ESYT2: variants seen among roughly 807,000 people sequenced by gnomAD.
ESYT2 encodes extended synaptotagmin 2.
In ESYT2, 54 loss-of-function variants were observed where a neutral mutation model predicts 107.2. That is an observed-to-expected ratio of 0.50 (90% CI 0.40 to 0.63). The LOEUF (loss-of-function observed/expected upper bound fraction) is 0.63. Ranked by LOEUF, ESYT2 falls within the 30% of genes least tolerant of loss-of-function variation. The pLI is 0.00. For synonymous variants in ESYT2, 491 were observed against 434.1 expected (o/e 1.13, Z -1.63); for missense variants, 1,020 against 1,094.5 (o/e 0.93, Z 0.96).
At chr7:158,782,759 A>AGTGTGAAAATGT (rs1838956447) in intron 6 of ESYT2, among the ~76,000 whole-genome samples, 1 of 149,060 alleles carries the variant, frequency 6.7e-6, no homozygotes, top group Non-Finnish European at 1.5e-5. Flanking sequence ...TGTGAGAACA[A>AGTGTGAAAATGT]GTGTGAAAAT....
intron 20 of ESYT2, 78 bp from the exon 21 acceptor site, chr7:158,735,686 C>T: frequency 8.6e-7 from 1 of 1,167,956 alleles, no homozygotes; most frequent in Non-Finnish European, 1.3e-6. Flanking sequence ...CATTTCTGCT[C>T]ATGAGATCAT....
intron 16 of ESYT2, 82 bp downstream of exon 16, chr7:158,748,112 A>G (rs1837464860): frequency 7.7e-7 from 1 of 1,291,194 alleles, no homozygotes; most frequent in East Asian, 2.4e-5. Flanking sequence ...AGGTGTATAC[A>G]CGGGTCACAA....
At chr7:158,825,703 G>A (rs925920266) in intron 1 of ESYT2, among the ~76,000 whole-genome samples, 5 of 152,194 alleles carry the variant, frequency 3.3e-5, no homozygotes, top group African/African-American at 1.2e-4. Context: ...GTGAGGTGAG[G>A]AAATTAGTAT....
chr7:158,778,650 A>G (rs905579458), intron 6 of ESYT2, among the ~76,000 whole-genome samples: 1 of 152,206 alleles, frequency 6.6e-6, no homozygotes, highest in Non-Finnish European at 1.5e-5. Context: ...CCAGAACTGC[A>G]ACCCAGAATG....
At chr7:158,762,138 T>C (rs931747745) in intron 10 of ESYT2, among the ~76,000 whole-genome samples, 1 of 152,064 alleles carries the variant, frequency 6.6e-6, no homozygotes, top group Non-Finnish European at 1.5e-5. Context: ...ACTTCCAAGA[T>C]TGGCACCACC....
chr7:158,812,193 G>A (rs1168579491), intron 1 of ESYT2, among the ~76,000 whole-genome samples: 3 of 152,228 alleles, frequency 2.0e-5, no homozygotes, highest in Non-Finnish European at 4.4e-5. Context: ...CCCTCTGGAG[G>A]AGTACATGCT....
intron 15 of ESYT2, among the ~76,000 whole-genome samples, chr7:158,748,759 C>A (rs1441304523): frequency 6.7e-6 from 1 of 150,036 alleles, no homozygotes; most frequent in Non-Finnish European, 1.5e-5. Context: ...CTTGCTCTGT[C>A]GCCAGGCTGG....
chr7:158,799,331 A>G (rs1407291955), intron 1 of ESYT2, among the ~76,000 whole-genome samples: 1 of 152,182 alleles, frequency 6.6e-6, no homozygotes, highest in Admixed American at 6.5e-5. Flanking sequence ...TCTGCACCCC[A>G]CTGTCCAGAG....
chr7:158,761,374 A>C lies in ESYT2; in HGVS notation c.1233+122T>G, dbSNP rs948187875. The stretch of plus-strand genomic sequence containing the variant: ...AGTATATGTTAAGTAAATGTTGTTC[A>C]TGCCATACTAATTAGGATTCCGGCA... On this transcript the variant is annotated intron_variant, in intron 11 of 22. Coordinates refer to ENST00000275418, the MANE Select transcript of ESYT2 (RefSeq NM_001367773.1). 1.3e-5 allele frequency: 10 copies of C among 776,490 alleles called. No homozygotes were observed. In the Middle Eastern group the frequency reaches 7.1e-4, roughly 55 times the overall value. The allele number at this position is 776,490 out of a possible 1,614,324, so 48.1% of individuals were successfully genotyped here. A position where few individuals can be genotyped will look rare whatever the true frequency, so the allele number is the denominator to read the frequency against.
At chr7:158,767,017 G>A (rs1838188735) in intron 8 of ESYT2, among the ~76,000 whole-genome samples, 1 of 152,214 alleles carries the variant, frequency 6.6e-6, no homozygotes, top group Non-Finnish European at 1.5e-5. Flanking sequence ...TCTGCAACCA[G>A]CTCTGTGTGC....
intron 8 of ESYT2, 56 bp downstream of exon 8, chr7:158,767,598 G>A: frequency 6.3e-7 from 1 of 1,580,138 alleles, no homozygotes; most frequent in South Asian, 1.2e-5. Context: ...CACACCCGCA[G>A]GCAGGCAGGT....
chr7:158,736,221 C>T (rs1836943686), intron 20 of ESYT2, among the ~76,000 whole-genome samples: 1 of 141,252 alleles, frequency 7.1e-6, no homozygotes, highest in Admixed American at 6.8e-5. Flanking sequence ...GCACCCTGCA[C>T]AACCTCATCG....
At chr7:158,823,976 T>C (rs1840366122) in intron 1 of ESYT2, among the ~76,000 whole-genome samples, 3 of 152,226 alleles carry the variant, frequency 2.0e-5, no homozygotes, top group Admixed American at 2.0e-4. Flanking sequence ...GATAATAATA[T>C]TAATCTTAAG....
intron 6 of ESYT2, among the ~76,000 whole-genome samples, chr7:158,780,799 G>A (rs1217217060): frequency 6.6e-6 from 1 of 152,224 alleles, no homozygotes; most frequent in Non-Finnish European, 1.5e-5. Context: ...AAGGCACCAG[G>A]CAAAGGGGTC....
intron 6 of ESYT2, among the ~76,000 whole-genome samples, chr7:158,786,278 G>T (rs752563315): frequency 1.6e-4 from 24 of 152,142 alleles, no homozygotes; most frequent in Non-Finnish European, 5.9e-5. Context: ...TTTTTAAAAA[G>T]GTCTTTCTCT....
intron 16 of ESYT2, 62 bp downstream of exon 16, chr7:158,748,132 T>C (rs1171592648): frequency 1.1e-5 from 17 of 1,499,866 alleles, no homozygotes; most frequent in African/African-American, 1.1e-4. Context: ...ACTCAGCAAA[T>C]TGTATACTTT....
intron 1 of ESYT2, among the ~76,000 whole-genome samples, chr7:158,809,650 G>T (rs190339274): frequency 2.0e-5 from 3 of 152,258 alleles, no homozygotes; most frequent in Admixed American, 2.0e-4. Context: ...ATGCCCTCTA[G>T]GATGGTTAAA....
At chr7:158,803,629 A>G (rs139181849) in intron 1 of ESYT2, among the ~76,000 whole-genome samples, 1,725 of 152,336 alleles carry the variant, frequency 0.011, 27 homozygotes, top group African/African-American at 0.039. Context: ...GACTTGCAGA[A>G]AGTTAAAACT....
At chr7:158,797,502 T>G in intron 3 of ESYT2, among the ~76,000 whole-genome samples, 1 of 149,376 alleles carries the variant, frequency 6.7e-6, no homozygotes, top group Non-Finnish European at 1.5e-5. Context: ...AGCCTAGGAG[T>G]CTGAGGCCAG....
Sources: gnomAD v4.1 joint callset for allele counts (sites outside exome capture counted in the v4.1 genomes callset) on GRCh38, gnomAD v4.1.1 for gene constraint, MANE v1.5 for transcripts, NCBI Gene and HGNC (gene_info 2026-07-23, HGNC 2026-07-21) for gene names.